The following PLPP4 variants were observed in gnomAD, a reference collection of about 807,000 sequenced individuals.
PLPP4 encodes diacylglycerol pyrophosphate like 2.
In PLPP4, 20 loss-of-function variants were observed where a neutral mutation model predicts 32.2. That is an observed-to-expected ratio of 0.62 (90% CI 0.44 to 0.90). The LOEUF (loss-of-function observed/expected upper bound fraction) is 0.90. Among genes scored for constraint, PLPP4 ranks in the 40% least tolerant of loss-of-function variants. PLPP4 has a pLI of 0.00. For synonymous variants in PLPP4, 127 were observed against 133.0 expected, an observed-to-expected ratio of 0.95 and a Z score of 0.31; for missense variants, 257 against 353.1, an observed-to-expected ratio of 0.73 and a Z score of 2.18.
intron 1 of PLPP4, among the ~76,000 whole-genome samples, chr10:120,466,653 C>G (rs1323849850): frequency 6.6e-6 from 1 of 152,058 alleles, no homozygotes; most frequent in Non-Finnish European, 1.5e-5. Context: ...AACTGAATGA[C>G]ATTCCCAGTT....
intron 5 of PLPP4, among the ~76,000 whole-genome samples, chr10:120,556,257 C>T (rs1307770835): frequency 6.6e-6 from 1 of 152,192 alleles, no homozygotes; most frequent in Non-Finnish European, 1.5e-5. Flanking sequence ...TGGGGAGAGT[C>T]TCTTAGTGCC....
At chr10:120,571,093 C>CGTGT (rs60011757) in intron 5 of PLPP4, among the ~76,000 whole-genome samples, 26,141 of 144,176 alleles carry the variant, frequency 0.18, 2,496 homozygotes, top group Middle Eastern at 0.29. Flanking sequence ...AGTAAAGGGG[C>CGTGT]GTGTGTGTGT....
chr10:120,472,762 T>A (rs746495445), intron 1 of PLPP4, among the ~76,000 whole-genome samples: 1 of 152,174 alleles, frequency 6.6e-6, no homozygotes, highest in Non-Finnish European at 1.5e-5. Flanking sequence ...AGATCTTGGA[T>A]GCTCTATTCT....
intron 5 of PLPP4, among the ~76,000 whole-genome samples, chr10:120,572,665 T>C (rs1368775206): frequency 6.6e-5 from 10 of 152,204 alleles, no homozygotes; most frequent in Admixed American, 5.2e-4. Flanking sequence ...CTGATTTGAA[T>C]AAAGTCCATT....
intron 2 of PLPP4, among the ~76,000 whole-genome samples, chr10:120,508,128 G>T (rs1051294027): frequency 1.6e-4 from 25 of 152,240 alleles, no homozygotes; most frequent in African/African-American, 5.5e-4. Context: ...TGATACCAGG[G>T]TTTTCTATTC....
At chr10:120,493,437 C>CA (rs1844808714) in intron 1 of PLPP4, among the ~76,000 whole-genome samples, 1 of 152,090 alleles carries the variant, frequency 6.6e-6, no homozygotes, top group African/African-American at 2.4e-5. Context: ...TGTCAGGGGC[C>CA]ACAGGTAAAG....
intron 1 of PLPP4, among the ~76,000 whole-genome samples, chr10:120,491,276 A>G (rs1844708907): frequency 6.6e-6 from 1 of 152,110 alleles, no homozygotes; most frequent in South Asian, 2.1e-4. Context: ...TGCCACTGTG[A>G]TGTTCACTTT....
At position 120,517,629 on chromosome 10, in the gene PLPP4, C is replaced by T. The variant is rs539794603; in HGVS notation, c.257-1204C>T. ...CCACACTCAGATATGGCCAGTTGCCCCCATCTCACACTTAGGTGATTTGTT... is the reference window on the plus strand; with the variant it reads ...CCACACTCAGATATGGCCAGTTGCCTCCATCTCACACTTAGGTGATTTGTT... On this transcript the variant is annotated intron_variant, in intron 3 of 6. Transcript: ENST00000398250. 2.4e-4 allele frequency among the ~76,000 whole-genome samples: 37 copies of T among 152,300 alleles called. No individual in the cohort carries two copies. In the South Asian group the frequency reaches 7.5e-3, roughly 31 times the overall value.
chr10:120,550,290 A>G (rs1281778462), intron 5 of PLPP4, among the ~76,000 whole-genome samples: 1 of 152,020 alleles, frequency 6.6e-6, no homozygotes, highest in Non-Finnish European at 1.5e-5. Context: ...AAAAAGCTAA[A>G]TAAGACTTAA....
At chr10:120,463,458 TCA>T (rs1423996180) in intron 1 of PLPP4, among the ~76,000 whole-genome samples, 1 of 152,220 alleles carries the variant, frequency 6.6e-6, no homozygotes, top group East Asian at 1.9e-4. Flanking sequence ...TCTCTGAACC[TCA>T]GTTTCTTCAT....
At chr10:120,545,245 G>T (rs1738889119) in intron 5 of PLPP4, among the ~76,000 whole-genome samples, 2 of 152,188 alleles carry the variant, frequency 1.3e-5, no homozygotes, top group African/African-American at 4.8e-5. Flanking sequence ...CTAAGTCCTG[G>T]GTGGAGGCCC....
At chr10:120,557,210 G>T (rs532854054) in intron 5 of PLPP4, among the ~76,000 whole-genome samples, 1 of 152,140 alleles carries the variant, frequency 6.6e-6, no homozygotes, top group African/African-American at 2.4e-5. Context: ...TCACCCTCAA[G>T]AAATAGCTGC....
chr10:120,552,668 T>A (rs1024153881), intron 5 of PLPP4, among the ~76,000 whole-genome samples: 1 of 152,254 alleles, frequency 6.6e-6, no homozygotes, highest in Non-Finnish European at 1.5e-5. Flanking sequence ...GTTTGGCTGC[T>A]GCTTTTTTTG....
At position 120,515,136 on chromosome 10, in the gene PLPP4, C is replaced by A. The variant is rs951428922; in HGVS notation, c.256+1135C>A. Among the ~76,000 whole-genome samples the A allele has an allele frequency of 3.3e-5, 5 of 152,112 alleles. No homozygotes were observed. The East Asian group carries it at 9.7e-4, about 29-fold the overall frequency. On this transcript the variant is annotated intron_variant, in intron 3 of 6. Coordinates refer to ENST00000398250, the MANE Select transcript of PLPP4 (RefSeq NM_001030059.3). ...TCTACTTGAAACGAACAGAATCCCTCTCAAATTAGCTCAAATAAATTAGGG... is the reference window on the plus strand; with the variant it reads ...TCTACTTGAAACGAACAGAATCCCTATCAAATTAGCTCAAATAAATTAGGG...
At chr10:120,567,948 A>G (rs1289803075) in intron 5 of PLPP4, among the ~76,000 whole-genome samples, 2 of 152,208 alleles carry the variant, frequency 1.3e-5, no homozygotes, top group Non-Finnish European at 2.9e-5. Context: ...TGAGCATGGA[A>G]TGGTCTTTCA....
chr10:120,471,306 G>C (rs1020720645), intron 1 of PLPP4, among the ~76,000 whole-genome samples: 1 of 151,474 alleles, frequency 6.6e-6, no homozygotes, highest in African/African-American at 2.4e-5. Context: ...TTCTTTTTGT[G>C]GTGCTTTATT....
intron 6 of PLPP4, among the ~76,000 whole-genome samples, chr10:120,585,389 T>C (rs1480527430): frequency 6.6e-6 from 1 of 152,188 alleles, no homozygotes; most frequent in African/African-American, 2.4e-5. Flanking sequence ...GCTATGAAAA[T>C]GTAGCCATGC....
chr10:120,481,625 G>T (rs1844210320), intron 1 of PLPP4, among the ~76,000 whole-genome samples: 1 of 152,186 alleles, frequency 6.6e-6, no homozygotes, highest in Non-Finnish European at 1.5e-5. Flanking sequence ...CCTGAAAGGT[G>T]TCTGGTGCTC....
intron 5 of PLPP4, among the ~76,000 whole-genome samples, chr10:120,570,608 A>G (rs1449992558): frequency 6.6e-6 from 1 of 152,182 alleles, no homozygotes; most frequent in Non-Finnish European, 1.5e-5. Context: ...AGTAGGGTCC[A>G]AAGATTTTCC....
Sources: gnomAD v4.1 joint callset for allele counts (sites outside exome capture counted in the v4.1 genomes callset) on GRCh38, gnomAD v4.1.1 for gene constraint, MANE v1.5 for transcripts, NCBI Gene and HGNC (gene_info 2026-07-23, HGNC 2026-07-21) for gene names.